Variants in CTCFL observed in about 807,000 individuals in gnomAD.
CTCFL encodes CCCTC-binding factor like, also known as transcriptional repressor CTCFL.
In CTCFL, 36 loss-of-function variants were observed where a neutral mutation model predicts 67.4. That is an observed-to-expected ratio of 0.53 (90% CI 0.41 to 0.71). CTCFL has a LOEUF of 0.71. Ranked by LOEUF, CTCFL falls within the 30% of genes least tolerant of loss-of-function variation. CTCFL has a pLI of 0.00. For missense variants in CTCFL, 786 were observed against 835.2 expected, an observed-to-expected ratio of 0.94 and a Z score of 0.73; for synonymous variants, 324 against 302.3, an observed-to-expected ratio of 1.07 and a Z score of -0.75.
At chr20:57,524,785 A>G in intron 1 of CTCFL, 3 of 986,010 alleles carry the variant, frequency 3.0e-6, no homozygotes, top group Non-Finnish European at 3.6e-6. Context: ...AGTGGCCTCG[A>G]GCCCACCCAG....
intron 9 of CTCFL, among the ~76,000 whole-genome samples, chr20:57,504,972 C>T (rs1042975872): frequency 7.9e-5 from 12 of 151,888 alleles, no homozygotes; most frequent in African/African-American, 2.4e-4. Context: ...TAAACTCCTG[C>T]TGCAAACTGT....
intron 9 of CTCFL, among the ~76,000 whole-genome samples, chr20:57,506,543 C>T (rs923656549): frequency 5.3e-5 from 8 of 152,156 alleles, no homozygotes; most frequent in Non-Finnish European, 1.2e-4. Flanking sequence ...ACCTTGTGAT[C>T]CACCTGCCTC....
chr20:57,514,549 C>A, intron 7 of CTCFL, 43 bp downstream of exon 7: 1 of 1,605,594 alleles, frequency 6.2e-7, no homozygotes, highest in East Asian at 2.2e-5. Flanking sequence ...CTCCAAAGAG[C>A]CAGCAAATGC....
chr20:57,514,672 A>G lies in CTCFL; in HGVS notation c.1250T>C (p.Ile417Thr), dbSNP rs1344033330. The G allele has an allele frequency of 1.9e-6, 3 of 1,614,216 alleles. No homozygotes were observed. Among genetic ancestry groups the G allele is most frequent in the South Asian group, 1.1e-5 (1 of 91,088 alleles). The change falls in exon 7 of 11, where the codon ATT becomes ACT. Residue 417 changes from isoleucine to threonine, a missense_variant. Coordinates refer to ENST00000243914, the MANE Select transcript of CTCFL (RefSeq NM_001386993.1). ...FTQSGTMKIH[I>T]LQKHGENVPK... Reference sequence around the variant, plus strand: ...GACATTTTCGCCGTGTTTCTGCAGAATATGTATTTTCATGGTCCCGCTCTG... The same window carrying G: ...GACATTTTCGCCGTGTTTCTGCAGAGTATGTATTTTCATGGTCCCGCTCTG...
chr20:57,507,011 C>CTTTTATAAAG (rs748737183), intron 9 of CTCFL: 98 of 985,224 alleles, frequency 9.9e-5, no homozygotes, highest in Non-Finnish European at 1.1e-4. Flanking sequence ...GGAAATTCAA[C>CTTTTATAAAG]TTTTATAAAA....
chr20:57,510,476 C>T (rs145934715), intron 8 of CTCFL, among the ~76,000 whole-genome samples: 214 of 152,318 alleles, frequency 1.4e-3, no homozygotes, highest in African/African-American at 5.0e-3. Context: ...ATACAGGCTG[C>T]AACTACTTGT....
chr20:57,509,935 C>T (rs2146340547), intron 8 of CTCFL, among the ~76,000 whole-genome samples: 1 of 152,324 alleles, frequency 6.6e-6, no homozygotes, highest in Middle Eastern at 3.4e-3. Flanking sequence ...CTCTCTACTC[C>T]CACATACCTG....
At chr20:57,504,017 C>T (rs2068053134) in intron 9 of CTCFL, among the ~76,000 whole-genome samples, 1 of 152,162 alleles carries the variant, frequency 6.6e-6, no homozygotes, top group Admixed American at 6.5e-5. Flanking sequence ...GGGGCACTCG[C>T]CCAGGCTGGA....
At chr20:57,524,415 C>A in intron 1 of CTCFL, 199 bp from the exon 2 acceptor site, 1 of 1,413,514 alleles carries the variant, frequency 7.1e-7, no homozygotes, top group Non-Finnish European at 9.2e-7. Flanking sequence ...AGGATTTAGG[C>A]TAAAGCAGGA....
intron 7 of CTCFL, chr20:57,513,978 G>A: frequency 9.6e-7 from 1 of 1,037,626 alleles, no homozygotes; most frequent in Non-Finnish European, 1.3e-6. Context: ...CAGCTCCTAG[G>A]CCTGCTGTTC....
intron 1 of CTCFL, 125 bp from the exon 2 acceptor site, chr20:57,524,341 T>C (rs1254854017): frequency 4.0e-6 from 6 of 1,493,912 alleles, no homozygotes; most frequent in Non-Finnish European, 5.3e-6. Context: ...CAAAAGGTTT[T>C]GGACTTAGTA....
At chr20:57,501,360 A>G (rs2067904177) in intron 10 of CTCFL, among the ~76,000 whole-genome samples, 1 of 121,106 alleles carries the variant, frequency 8.3e-6, no homozygotes, top group South Asian at 2.8e-4. Context: ...GATAGGAAAG[A>G]GCAGGCCTGC....
At chr20:57,504,218 T>C (rs62206176) in intron 9 of CTCFL, among the ~76,000 whole-genome samples, 13,304 of 148,506 alleles carry the variant, frequency 0.09, 1,063 homozygotes, top group South Asian at 0.19. Context: ...TATTGTGATC[T>C]GCCCACCTTG....
chr20:57,503,147 G>C lies in CTCFL; in HGVS notation c.1840+289C>G, dbSNP rs564699706. 9.2e-5 allele frequency among the ~76,000 whole-genome samples: 14 copies of C among 152,360 alleles called. No homozygotes were observed. The South Asian group carries it at 2.5e-3, about 27-fold the overall frequency. On this transcript the variant is annotated intron_variant, in intron 10 of 10. Transcript: ENST00000243914. Reference sequence around the variant, plus strand: ...GCCACTCAGCTTGTGGTCATCTATTGCAACAGCCCAGGACAGTCCCTGTAG... The same window carrying C: ...GCCACTCAGCTTGTGGTCATCTATTCCAACAGCCCAGGACAGTCCCTGTAG...
intron 7 of CTCFL, among the ~76,000 whole-genome samples, chr20:57,514,047 G>A (rs929121746): frequency 7.9e-5 from 12 of 152,134 alleles, no homozygotes; most frequent in Admixed American, 2.6e-4. Context: ...AAGGCTCACC[G>A]TGGTAGATGC....
At chr20:57,521,792 A>G (rs527887848) in intron 3 of CTCFL, among the ~76,000 whole-genome samples, 12 of 152,230 alleles carry the variant, frequency 7.9e-5, no homozygotes, top group Non-Finnish European at 1.8e-4. Flanking sequence ...CCCTGCAAAC[A>G]TGATGCTAAG....
Position 57,502,963 on chromosome 20 carries a change from G to A in CTCFL, c.1840+473C>T, listed in dbSNP as rs76768575. Among the ~76,000 whole-genome samples the A allele has an allele frequency of 1.9e-3, 290 of 152,366 alleles. 7 individuals carry two copies. In the East Asian group the frequency reaches 0.037, roughly 19 times the overall value. ...GAAAAGACAGAGGCAGAGACTGGAG[G>A]ATGTGGCCACAAACTGAGGAATGGT... On this transcript the variant is annotated intron_variant, in intron 10 of 10. Transcript: ENST00000243914.
At chr20:57,501,758 T>C (rs1453274795) in intron 10 of CTCFL, among the ~76,000 whole-genome samples, 2 of 152,186 alleles carry the variant, frequency 1.3e-5, no homozygotes, top group Non-Finnish European at 2.9e-5. Context: ...GCCCATCTGC[T>C]GGTGCAGAGT....
At position 57,515,833 on chromosome 20, in the gene CTCFL, G is replaced by C; in HGVS notation, c.1061C>G (p.Ala354Gly). ...CSMCKYASVE[A>G]SKLKRHVRSH... ...TCGGACATGGCGCTTCAATTTACTT[G>C]CCTAATAAATACATAAATGATGTTC... The change falls in exon 6 of 11, where the codon GCA (alanine) becomes GGA (glycine). Residue 354 changes from alanine to glycine, a missense_variant and splice_region_variant. Physicochemically the swap from Ala to Gly is moderately conservative, Grantham distance 60. Around this residue, in one of 3 missense-constraint regions of CTCFL, gnomAD observed 254 missense variants for 333.9 expected, o/e 0.76. Transcript: ENST00000243914. 1.2e-6 allele frequency: 2 copies of C among 1,607,538 alleles called. No homozygotes were observed.
Sources: allele counts gnomAD v4.1 joint callset (sites outside exome capture counted in the v4.1 genomes callset), GRCh38; gene constraint gnomAD v4.1.1; regional missense constraint gnomAD v4.1.1; transcripts MANE v1.5; gene names NCBI Gene and HGNC (gene_info 2026-07-23, HGNC 2026-07-21).